LUZP2: variants seen among roughly 807,000 people sequenced by gnomAD.
LUZP2 encodes the protein leucine zipper protein 2.
LUZP2 carries 52 observed loss-of-function variants against 51.6 expected under a neutral mutation model. That is an observed-to-expected ratio of 1.01 (90% CI 0.81 to 1.27). The LOEUF (loss-of-function observed/expected upper bound fraction) is 1.27. Ranked by LOEUF, LUZP2 falls within the 50% of genes most tolerant of loss-of-function variation. LUZP2 has a pLI of 0.00. For missense variants in LUZP2, 436 were observed against 395.4 expected (o/e 1.10, Z -0.87); for synonymous variants, 154 against 137.3 (o/e 1.12, Z -0.85).
chr11:25,033,624 G>A (rs1358397871), intron 9 of LUZP2, among the ~76,000 whole-genome samples: 2 of 152,078 alleles, frequency 1.3e-5, no homozygotes, highest in Non-Finnish European at 2.9e-5. Context: ...CCGTATGTAT[G>A]TCCATGTGTG....
chr11:24,619,646 CA>C, intron 1 of LUZP2, among the ~76,000 whole-genome samples: 1 of 152,246 alleles, frequency 6.6e-6, no homozygotes, highest in African/African-American at 2.4e-5. Context: ...GTACCTTCCA[CA>C]GAAACCAATA....
intron 7 of LUZP2, among the ~76,000 whole-genome samples, chr11:24,967,680 T>A (rs1485459882): frequency 2.6e-5 from 4 of 152,012 alleles, no homozygotes; most frequent in Non-Finnish European, 5.9e-5. Context: ...TGCATCCAAT[T>A]TCATTTTTCT....
chr11:24,902,946 G>A (rs963086776), intron 5 of LUZP2, among the ~76,000 whole-genome samples: 2 of 152,050 alleles, frequency 1.3e-5, no homozygotes, highest in African/African-American at 4.8e-5. Flanking sequence ...GCTTTAAGTG[G>A]AGATGCAAAT....
chr11:24,553,547 C>T (rs1376636078), intron 1 of LUZP2, among the ~76,000 whole-genome samples: 1 of 151,902 alleles, frequency 6.6e-6, no homozygotes, highest in Non-Finnish European at 1.5e-5. Context: ...TACACATTGG[C>T]AAATTAGATA....
chr11:24,870,731 T>TA (rs1565025511), intron 5 of LUZP2, among the ~76,000 whole-genome samples: 1 of 151,786 alleles, frequency 6.6e-6, no homozygotes, highest in African/African-American at 2.4e-5. Flanking sequence ...CTATTACTTA[T>TA]ACAAAAGCCT....
intron 4 of LUZP2, among the ~76,000 whole-genome samples, chr11:24,740,070 G>A (rs1337357712): frequency 2.0e-5 from 3 of 152,184 alleles, no homozygotes; most frequent in African/African-American, 7.2e-5. Context: ...TTTAATCTGA[G>A]TTTCTTCATA....
chr11:24,526,101 T>C (rs1347230889), intron 1 of LUZP2, among the ~76,000 whole-genome samples: 1 of 151,090 alleles, frequency 6.6e-6, no homozygotes, highest in African/African-American at 2.4e-5. Flanking sequence ...CTGCAGGGTA[T>C]GAATGACATT....
chr11:24,657,229 T>G (rs1027207785), intron 1 of LUZP2, among the ~76,000 whole-genome samples: 10 of 152,252 alleles, frequency 6.6e-5, no homozygotes, highest in African/African-American at 2.4e-4. Flanking sequence ...TAGCAGTGCT[T>G]GAATTTAAGA....
At chr11:24,614,130 G>A (rs1170395047) in intron 1 of LUZP2, among the ~76,000 whole-genome samples, 1 of 151,942 alleles carries the variant, frequency 6.6e-6, no homozygotes, top group East Asian at 1.9e-4. Flanking sequence ...TTTTTGAATG[G>A]ATTCTACCTT....
chr11:24,770,155 A>C (rs1860354836), intron 5 of LUZP2, among the ~76,000 whole-genome samples: 1 of 152,160 alleles, frequency 6.6e-6, no homozygotes, highest in Admixed American at 6.5e-5. Flanking sequence ...CTGTACTATC[A>C]TTTGTAATTT....
chr11:24,892,517 C>A, intron 5 of LUZP2: 1 of 584,302 alleles, frequency 1.7e-6, no homozygotes, highest in Non-Finnish European at 2.2e-6. Flanking sequence ...GTATATATAA[C>A]TCTATTTGTT....
intron 4 of LUZP2, among the ~76,000 whole-genome samples, chr11:24,746,983 C>T (rs1214575111): frequency 6.6e-6 from 1 of 152,138 alleles, no homozygotes; most frequent in Non-Finnish European, 1.5e-5. Flanking sequence ...TTTCCTTGCA[C>T]TGGGCTTTGC....
At chr11:24,763,573 C>A (rs1860065920) in intron 5 of LUZP2, among the ~76,000 whole-genome samples, 1 of 151,974 alleles carries the variant, frequency 6.6e-6, no homozygotes, top group Admixed American at 6.6e-5. Context: ...TATTAAAAAT[C>A]AATTTTCATT....
rs1859478283 is a variant in LUZP2, at chr11:25,082,413, T to C, written c.*3755T>C. The C allele has an allele frequency of 6.6e-6, 1 of 152,616 alleles. No homozygotes were observed. The highest frequency in any genetic ancestry group is 1.5e-5 in the Non-Finnish European group (1 of 68,012). 9.5% of individuals were successfully genotyped at this position (152,616 alleles called of 1,614,324 possible). On this transcript the variant is annotated 3_prime_UTR_variant, in exon 12 of 12. Transcript: ENST00000336930. The stretch of plus-strand genomic sequence containing the variant: ...ATTGCAGCAGAGACTGAAATAATTA[T>C]TGACACCGTAGAGTACCATAGAGTA...
At chr11:24,812,697 G>A (rs1221185394) in intron 5 of LUZP2, among the ~76,000 whole-genome samples, 1 of 152,130 alleles carries the variant, frequency 6.6e-6, no homozygotes, top group Non-Finnish European at 1.5e-5. Context: ...GACATTATGT[G>A]GGTTTTGCTC....
rs375351676 is a variant in LUZP2 at position 24,981,569 on chromosome 11, G to A, written c.598-1557G>A. ...CTAACCTGGGAATGCAGCCCAGTAG[G>A]TCTAAGCCCAGCCTCTATTCAAGAT... On this transcript the variant is annotated intron_variant, in intron 8 of 11. Coordinates refer to ENST00000336930, the MANE Select transcript of LUZP2 (RefSeq NM_001009909.4). 1.2e-3 allele frequency among the ~76,000 whole-genome samples: 185 copies of A among 151,906 alleles called. 4 individuals carry two copies. The South Asian group carries it at 0.037, about 30-fold the overall frequency.
At chr11:24,616,779 G>C (rs1297553126) in intron 1 of LUZP2, among the ~76,000 whole-genome samples, 1 of 151,906 alleles carries the variant, frequency 6.6e-6, no homozygotes, top group East Asian at 1.9e-4. Context: ...CATTTGTTCT[G>C]GTTTACATCT....
rs575591758 is a variant in LUZP2 at position 24,714,445 on chromosome 11, G to C, written c.63-14724G>C. Among the ~76,000 whole-genome samples the C allele has an allele frequency of 7.2e-5, 11 of 152,202 alleles. No individual in the cohort carries two copies. In the East Asian group the frequency reaches 2.1e-3, roughly 29 times the overall value. Reference sequence around the variant, plus strand: ...GACATCTGAATCAATTGATCTGCTTGGGGTTGGTGGGAAAGTGTATGCCAA... The same window carrying C: ...GACATCTGAATCAATTGATCTGCTTCGGGTTGGTGGGAAAGTGTATGCCAA... On this transcript the variant is annotated intron_variant, in intron 1 of 11. Transcript: ENST00000336930.
intron 5 of LUZP2, among the ~76,000 whole-genome samples, chr11:24,777,914 G>GA (rs548441653): frequency 2.6e-4 from 27 of 102,754 alleles, no homozygotes; most frequent in African/African-American, 7.4e-4. Flanking sequence ...AAAGTTACAA[G>GA]AAAAAAGTCT....
Sources: allele counts gnomAD v4.1 joint callset (sites outside exome capture counted in the v4.1 genomes callset), GRCh38; gene constraint gnomAD v4.1.1; transcripts MANE v1.5; gene names NCBI Gene and HGNC (gene_info 2026-07-23, HGNC 2026-07-21).